CSMD1: variants seen among roughly 807,000 people sequenced by gnomAD.
CSMD1 encodes CUB and sushi domain-containing protein 1.
CSMD1 carries 213 observed loss-of-function variants against 417.5 expected under a neutral mutation model. The ratio of observed to expected loss-of-function variants is 0.51; its 90% CI spans 0.46 to 0.57. CSMD1 has a LOEUF of 0.57. Among genes scored for constraint, CSMD1 ranks in the 20% least tolerant of loss-of-function variants. CSMD1 has a pLI of 0.00. For missense variants in CSMD1, 6,923 were observed against 4,529.7 expected, an observed-to-expected ratio of 1.53 and a Z score of -15.17; for synonymous variants, 2,862 against 1,736.8, an observed-to-expected ratio of 1.65 and a Z score of -16.11.
chr8:4,393,842 C>T (rs1364516275), intron 3 of CSMD1, among the ~76,000 whole-genome samples: 1 of 152,124 alleles, frequency 6.6e-6, no homozygotes, highest in African/African-American at 2.4e-5. Context: ...TTCCAAAGTT[C>T]TAGGAATGTA....
chr8:3,593,120 C>G lies in CSMD1; in HGVS notation c.1098-6860G>C, dbSNP rs151134963. Among the ~76,000 whole-genome samples the G allele has an allele frequency of 1.2e-3, 180 of 152,334 alleles. 2 individuals are homozygous for G. Among genetic ancestry groups the G allele is most frequent in the African/African-American group, 4.3e-3 (178 of 41,584 alleles). On this transcript the variant is annotated intron_variant, in intron 8 of 69. Coordinates refer to ENST00000635120, the MANE Select transcript of CSMD1 (RefSeq NM_033225.6). Reference sequence around the variant, plus strand: ...TAAAGCGGTCTGGCTACCGCCAGAACTTGTCACTGGAGCTGTGGTGATAAG... The same window carrying G: ...TAAAGCGGTCTGGCTACCGCCAGAAGTTGTCACTGGAGCTGTGGTGATAAG...
rs374785318 is a variant in CSMD1 at position 3,387,661 on chromosome 8, G to A, written c.2615C>T (p.Ser872Phe). The A allele has an allele frequency of 2.3e-4, 366 of 1,598,204 alleles. No individual in the cohort carries two copies. Among genetic ancestry groups the A allele is most frequent in the Non-Finnish European group, 3.0e-4 (357 of 1,172,210 alleles). ...CACAGGGATGCCCGGGTCCAGGCAG[G>A]AATCCGACTCAAGCGTCACACCTGG... ...HYESVTLESD[S>F]CLDPGIPVNG... The change falls in exon 18 of 70, where the codon TCC (serine) becomes TTC (phenylalanine). Residue 872 changes from serine to phenylalanine, a missense_variant. Transcript: ENST00000635120.
At chr8:3,993,249 A>G (rs1814898947) in intron 5 of CSMD1, among the ~76,000 whole-genome samples, 1 of 152,226 alleles carries the variant, frequency 6.6e-6, no homozygotes, top group East Asian at 1.9e-4. Context: ...TCAAAATAAT[A>G]ACAACATGAG....
At chr8:2,986,148 A>G (rs1805889213) in intron 54 of CSMD1, among the ~76,000 whole-genome samples, 2 of 152,174 alleles carry the variant, frequency 1.3e-5, no homozygotes, top group South Asian at 4.1e-4. Context: ...GTTATAATTT[A>G]TTGTAATTGA....
intron 3 of CSMD1, among the ~76,000 whole-genome samples, chr8:4,311,625 A>C (rs1419780638): frequency 6.6e-6 from 1 of 150,882 alleles, no homozygotes; most frequent in East Asian, 2.0e-4. Context: ...TGGGAAGCTT[A>C]GACAGGAGAA....
At chr8:4,173,301 G>C (rs1234589052) in intron 3 of CSMD1, among the ~76,000 whole-genome samples, 1 of 152,158 alleles carries the variant, frequency 6.6e-6, no homozygotes, top group Non-Finnish European at 1.5e-5. Flanking sequence ...GTTCCAAATT[G>C]AAGTGGGAAA....
At chr8:3,430,259 T>C (rs1417628290) in intron 12 of CSMD1, among the ~76,000 whole-genome samples, 1 of 152,184 alleles carries the variant, frequency 6.6e-6, no homozygotes, top group Non-Finnish European at 1.5e-5. Flanking sequence ...TACATCATTA[T>C]TATCAATATG....
At chr8:3,233,396 G>C (rs1465788082) in intron 26 of CSMD1, among the ~76,000 whole-genome samples, 2 of 152,224 alleles carry the variant, frequency 1.3e-5, no homozygotes, top group Non-Finnish European at 2.9e-5. Context: ...AAGAGGGCCA[G>C]ATGTGGTCCC....
intron 3 of CSMD1, among the ~76,000 whole-genome samples, chr8:4,075,325 C>G (rs1444523407): frequency 2.0e-5 from 3 of 151,908 alleles, no homozygotes; most frequent in Non-Finnish European, 2.9e-5. Context: ...ATACCTTCAC[C>G]TAAGAGAATA....
intron 3 of CSMD1, among the ~76,000 whole-genome samples, chr8:4,107,127 C>T (rs1585326531): frequency 6.6e-6 from 1 of 152,112 alleles, no homozygotes; most frequent in African/African-American, 2.4e-5. Flanking sequence ...AACAACCAAG[C>T]ATAGTACTGG....
chr8:4,447,060 G>C lies in CSMD1; in HGVS notation c.303-26995C>G, dbSNP rs73660840. On this transcript the variant is annotated intron_variant, in intron 2 of 69. Coordinates refer to ENST00000635120, the MANE Select transcript of CSMD1 (RefSeq NM_033225.6). ...AGGATCATCAGCCTGTGTCAGGTCTGCGAGCCTAGCCTCAGTTATGACAGC... is the reference window on the plus strand; with the variant it reads ...AGGATCATCAGCCTGTGTCAGGTCTCCGAGCCTAGCCTCAGTTATGACAGC... Among the ~76,000 whole-genome samples the C allele has an allele frequency of 3.2e-3, 491 of 152,198 alleles. 3 individuals are homozygous for C. Among genetic ancestry groups the C allele is most frequent in the African/African-American group, 0.011 (457 of 41,514 alleles).
intron 5 of CSMD1, among the ~76,000 whole-genome samples, chr8:3,891,659 G>A (rs1243013593): frequency 1.3e-5 from 2 of 150,066 alleles, no homozygotes; most frequent in Non-Finnish European, 1.5e-5. Context: ...CTAGAGCCTA[G>A]GTGACAAAGC....
At chr8:4,154,647 T>C (rs1023501974) in intron 3 of CSMD1, among the ~76,000 whole-genome samples, 2 of 152,200 alleles carry the variant, frequency 1.3e-5, no homozygotes, top group African/African-American at 4.8e-5. Context: ...AAAAAAGGAA[T>C]TGTATTCTAG....
intron 3 of CSMD1, among the ~76,000 whole-genome samples, chr8:4,317,832 T>C (rs1799023132): frequency 6.6e-6 from 1 of 152,180 alleles, no homozygotes; most frequent in South Asian, 2.1e-4. Flanking sequence ...ATTATTTGTT[T>C]AATGTATTTT....
chr8:4,016,159 G>A (rs759946253), intron 4 of CSMD1, among the ~76,000 whole-genome samples: 1 of 152,154 alleles, frequency 6.6e-6, no homozygotes, highest in Admixed American at 6.5e-5. Context: ...TTGCATAAAA[G>A]CATTGAACGT....
At chr8:4,196,304 C>G (rs1265385081) in intron 3 of CSMD1, among the ~76,000 whole-genome samples, 5 of 152,202 alleles carry the variant, frequency 3.3e-5, no homozygotes, top group Non-Finnish European at 2.9e-5. Context: ...CTCATTTGTT[C>G]TATCGCTGCC....
At chr8:3,819,473 C>G (rs1030695509) in intron 5 of CSMD1, among the ~76,000 whole-genome samples, 1 of 151,860 alleles carries the variant, frequency 6.6e-6, no homozygotes, top group African/African-American at 2.4e-5. Context: ...CTTCAATCGT[C>G]GGTGGCACTG....
intron 3 of CSMD1, among the ~76,000 whole-genome samples, chr8:4,077,937 T>A (rs182425337): frequency 2.1e-4 from 32 of 152,212 alleles, no homozygotes; most frequent in African/African-American, 5.5e-4. Context: ...CAAAATCCTT[T>A]ACATACCCAT....
intron 3 of CSMD1, among the ~76,000 whole-genome samples, chr8:4,344,205 T>C (rs561543779): frequency 6.6e-6 from 1 of 152,136 alleles, no homozygotes; most frequent in Non-Finnish European, 1.5e-5. Flanking sequence ...ACCGTCTCCA[T>C]GGAGACTTTC....
Sources: allele counts gnomAD v4.1 joint callset (sites outside exome capture counted in the v4.1 genomes callset), GRCh38; gene constraint gnomAD v4.1.1; transcripts MANE v1.5; gene names NCBI Gene and HGNC (gene_info 2026-07-23, HGNC 2026-07-21).